The following CACNA1C variants were observed in gnomAD, a reference collection of about 807,000 sequenced individuals.
CACNA1C encodes voltage-dependent L-type calcium channel subunit alpha-1C.
A neutral mutation model predicts 229.0 loss-of-function variants in CACNA1C; 30 were observed. That is an observed-to-expected ratio of 0.13 (90% CI 0.10 to 0.18). The LOEUF is 0.18. CACNA1C is among the 10% of genes least tolerant of loss of function. The pLI is 1.00. For synonymous variants in CACNA1C, 1,114 were observed against 1,132.5 expected (o/e 0.98, Z 0.33); for missense variants, 1,658 against 2,845.0 (o/e 0.58, Z 9.49).
At chr12:2,347,076 T>C (rs982405036) in intron 3 of CACNA1C, among the ~76,000 whole-genome samples, 4 of 152,190 alleles carry the variant, frequency 2.6e-5, no homozygotes, top group Admixed American at 6.5e-5. Context: ...GTCTGAACTC[T>C]TGTTATAATT....
chr12:2,204,279 G>A (rs2097686792), intron 3 of CACNA1C, among the ~76,000 whole-genome samples: 1 of 151,894 alleles, frequency 6.6e-6, no homozygotes, highest in African/African-American at 2.4e-5. Flanking sequence ...CATGTCCTTC[G>A]CCCACTTTTT....
chr12:2,199,643 GT>G (rs896030146), intron 3 of CACNA1C, among the ~76,000 whole-genome samples: 7 of 152,084 alleles, frequency 4.6e-5, no homozygotes, highest in African/African-American at 1.7e-4. Flanking sequence ...AGCGCCCCCA[GT>G]CCCCACATTG....
intron 38 of CACNA1C, among the ~76,000 whole-genome samples, chr12:2,673,465 TAAAA>T (rs527320564): frequency 5.0e-5 from 5 of 100,680 alleles, no homozygotes; most frequent in Admixed American, 1.1e-4. Flanking sequence ...AACTTCCGTC[TAAAA>T]AAAAAAAAAA....
intron 29 of CACNA1C, among the ~76,000 whole-genome samples, chr12:2,627,007 G>A (rs2087073050): frequency 6.6e-6 from 1 of 152,208 alleles, no homozygotes; most frequent in Admixed American, 6.5e-5. Context: ...TTAAAAGTGT[G>A]CATTCTAAGG....
chr12:2,377,505 G>A (rs1348442813), intron 3 of CACNA1C, among the ~76,000 whole-genome samples: 6 of 152,134 alleles, frequency 3.9e-5, no homozygotes, highest in Admixed American at 3.9e-4. Flanking sequence ...GACGTCGAGG[G>A]ATTTAGGGTT....
chr12:2,050,078 C>T (rs1374611194), upstream of CACNA1C, among the ~76,000 whole-genome samples: 8 of 152,124 alleles, frequency 5.3e-5, no homozygotes, highest in Non-Finnish European at 1.0e-4. Flanking sequence ...TGCACGTGAC[C>T]CCCTAACACA....
intron 3 of CACNA1C, among the ~76,000 whole-genome samples, chr12:2,345,989 G>A (rs557667918): frequency 3.0e-4 from 45 of 152,306 alleles, no homozygotes; most frequent in African/African-American, 1.0e-3. Flanking sequence ...CACCTCTGAC[G>A]CCCGGGCTTG....
At chr12:2,091,305 G>A (rs917183160) in intron 1 of CACNA1C, among the ~76,000 whole-genome samples, 1 of 152,234 alleles carries the variant, frequency 6.6e-6, no homozygotes, top group Non-Finnish European at 1.5e-5. Flanking sequence ...TGGATGAGAG[G>A]CTGGGTATGT....
intron 3 of CACNA1C, among the ~76,000 whole-genome samples, chr12:2,203,530 C>T (rs572833723): frequency 2.6e-5 from 4 of 152,166 alleles, no homozygotes; most frequent in African/African-American, 9.7e-5. Context: ...CTGCTCTGGG[C>T]CTCTGTTACA....
chr12:2,211,960 A>G (rs547939142), intron 3 of CACNA1C, among the ~76,000 whole-genome samples: 5 of 151,746 alleles, frequency 3.3e-5, no homozygotes, highest in Non-Finnish European at 7.4e-5. Flanking sequence ...ACCTCAGGTG[A>G]TCCACCCGCC....
chr12:2,616,826 T>C (rs2080869495), intron 29 of CACNA1C, among the ~76,000 whole-genome samples: 1 of 152,224 alleles, frequency 6.6e-6, no homozygotes, highest in Admixed American at 6.5e-5. Flanking sequence ...ACTTCCGAAG[T>C]GGAGGCAGCC....
intron 3 of CACNA1C, among the ~76,000 whole-genome samples, chr12:2,135,370 G>A (rs1317413341): frequency 6.8e-6 from 1 of 146,044 alleles, no homozygotes; most frequent in Non-Finnish European, 1.5e-5. Flanking sequence ...TCCTTTGGAG[G>A]AGGAGAGGCG....
intron 9 of CACNA1C, among the ~76,000 whole-genome samples, chr12:2,517,044 A>G (rs1041359536): frequency 2.0e-5 from 3 of 152,296 alleles, no homozygotes; most frequent in Admixed American, 6.5e-5. Flanking sequence ...GAGAGACAGG[A>G]GGGAATGCAA....
rs1221058389 is a variant in CACNA1C at position 2,215,581 on chromosome 12, T to C, written c.477+95151T>C. ...CACCGTTAACACTTTTACATCAGCA[T>C]TGCACATGGACATAAAGGGGCACTG... On this transcript the variant is annotated intron_variant, in intron 3 of 46. Transcript: ENST00000399655. This position sits in a 1 kb window ranked among gnomAD's most constrained non-coding sequence, Gnocchi z 5.0. Among the ~76,000 whole-genome samples, 1 of 152,188 alleles carries C rather than the reference T, an allele frequency of 6.6e-6. No homozygotes were observed. The highest frequency in any genetic ancestry group is 2.4e-5 in the African/African-American group (1 of 41,462).
rs544048815 is a variant in CACNA1C, at chr12:2,033,034, G to T, written c.139+61833G>T. 2.6e-5 allele frequency among the ~76,000 whole-genome samples: 4 copies of T among 152,168 alleles called. No individual in the cohort carries two copies. The South Asian group carries it at 8.3e-4, about 32-fold the overall frequency. On this transcript the variant is annotated intron_variant, in intron 1 of 46. Coordinates refer to the CACNA1C transcript ENST00000682462. ...TTTAAACTGAAGGTAGGGGGTGGTG[G>T]AGTAAAATGCCAGGTGAGCCTATGA...
intron 3 of CACNA1C, among the ~76,000 whole-genome samples, chr12:2,340,171 T>C (rs1035824461): frequency 1.2e-4 from 18 of 152,358 alleles, no homozygotes; most frequent in African/African-American, 4.1e-4. Flanking sequence ...TATTCTTCTA[T>C]ATACAACTTT....
At chr12:2,254,820 TACA>T (rs2076794651) in intron 3 of CACNA1C, among the ~76,000 whole-genome samples, 1 of 152,238 alleles carries the variant, frequency 6.6e-6, no homozygotes, top group South Asian at 2.1e-4. Context: ...CTTTGAGAAC[TACA>T]GGTTCATTAC....
chr12:2,259,837 G>A lies in CACNA1C; in HGVS notation c.477+139407G>A, dbSNP rs189099173. ...TTTGGTCCTAGCTACTTGGGAGGCTGAGGTGGGAGAATTGCTTGAGCCCAG... is the reference window on the plus strand; with the variant it reads ...TTTGGTCCTAGCTACTTGGGAGGCTAAGGTGGGAGAATTGCTTGAGCCCAG... On this transcript the variant is annotated intron_variant, in intron 3 of 46. Transcript: ENST00000399655. Among the ~76,000 whole-genome samples, 45 of 152,324 alleles carry A rather than the reference G, an allele frequency of 3.0e-4. 2 individuals carry two copies. In the East Asian group the frequency reaches 8.7e-3, roughly 29 times the overall value.
At chr12:2,614,952 C>T (rs1299995800) in intron 29 of CACNA1C, 1 of 150,860 alleles carries the variant, frequency 6.6e-6, no homozygotes, top group African/African-American at 2.4e-5. Flanking sequence ...CATCCCACTC[C>T]TTAAATTCAT....
Sources: allele counts gnomAD v4.1 joint callset (sites outside exome capture counted in the v4.1 genomes callset), GRCh38; gene constraint gnomAD v4.1.1; non-coding constraint Gnocchi (gnomAD v3.1); transcripts MANE v1.5; gene names NCBI Gene and HGNC (gene_info 2026-07-23, HGNC 2026-07-21).